Variants in CDH13 observed in about 807,000 individuals in gnomAD.
CDH13 encodes cadherin 13.
Under a neutral mutation model 63.8 loss-of-function variants are expected in CDH13, and 24 were observed. That is an observed-to-expected ratio of 0.38 (90% CI 0.27 to 0.53). The LOEUF (loss-of-function observed/expected upper bound fraction) is 0.53. CDH13 is among the 20% of genes least tolerant of loss of function. The probability of loss-of-function intolerance (pLI) is 0.85; values close to 1 mark genes in which losing one functional copy is unlikely to be tolerated. For synonymous variants in CDH13, 503 were observed against 355.3 expected (o/e 1.42, Z -4.67); for missense variants, 1,049 against 903.1 (o/e 1.16, Z -2.07).
chr16:83,017,052 A>G (rs1007520824), intron 2 of CDH13, among the ~76,000 whole-genome samples: 2 of 152,220 alleles, frequency 1.3e-5, no homozygotes, highest in Admixed American at 6.5e-5. Context: ...TTATAGACAG[A>G]TCAATGATAG....
chr16:83,046,527 TAGGC>T (rs1485589762), intron 3 of CDH13, among the ~76,000 whole-genome samples: 1 of 152,164 alleles, frequency 6.6e-6, no homozygotes, highest in African/African-American at 2.4e-5. Context: ...CATTAAAACA[TAGGC>T]AGGAAAATTT....
chr16:83,495,514 A>C (rs2074115615), intron 7 of CDH13, among the ~76,000 whole-genome samples: 1 of 152,186 alleles, frequency 6.6e-6, no homozygotes, highest in South Asian at 2.1e-4. Context: ...ACTCTTAGTT[A>C]ATTCTCTCTT....
chr16:83,000,405 C>G (rs1294615059), intron 2 of CDH13, among the ~76,000 whole-genome samples: 1 of 149,798 alleles, frequency 6.7e-6, no homozygotes, highest in Non-Finnish European at 1.5e-5. Context: ...CCCGCCACCA[C>G]GCCCAGCTAA....
At chr16:83,221,548 G>A (rs1187817709) in intron 5 of CDH13, among the ~76,000 whole-genome samples, 1 of 151,932 alleles carries the variant, frequency 6.6e-6, no homozygotes, top group Non-Finnish European at 1.5e-5. Flanking sequence ...TTAGCAGGTG[G>A]TAATGATTCC....
chr16:83,583,191 G>T (rs141858281), intron 7 of CDH13, among the ~76,000 whole-genome samples: 3 of 152,074 alleles, frequency 2.0e-5, no homozygotes, highest in African/African-American at 7.2e-5. Flanking sequence ...CTCCTATAAG[G>T]ATACTTGTAG....
intron 2 of CDH13, among the ~76,000 whole-genome samples, chr16:82,999,108 C>G (rs1912577434): frequency 1.3e-5 from 2 of 152,124 alleles, no homozygotes; most frequent in African/African-American, 4.8e-5. Flanking sequence ...GTGAAAGCAT[C>G]CCTCTTCTTG....
At chr16:83,706,204 G>A (rs561634113) in intron 10 of CDH13, among the ~76,000 whole-genome samples, 6 of 152,160 alleles carry the variant, frequency 3.9e-5, no homozygotes, top group African/African-American at 1.4e-4. Flanking sequence ...GCCTCTCCAC[G>A]AGGCCTGGGC....
chr16:83,621,888 G>T (rs1013837481), intron 8 of CDH13, among the ~76,000 whole-genome samples: 3 of 152,084 alleles, frequency 2.0e-5, no homozygotes, highest in Non-Finnish European at 2.9e-5. Flanking sequence ...ATTAGGATAA[G>T]TTCAAGTTAC....
chr16:83,171,128 C>A lies in CDH13; in HGVS notation c.483+45627C>A, dbSNP rs527357199. Among the ~76,000 whole-genome samples, 3 of 152,206 alleles carry A rather than the reference C, an allele frequency of 2.0e-5. No individual in the cohort carries two copies. In the East Asian group the frequency reaches 5.8e-4, roughly 29 times the overall value. ...GCAGGCTGTGCAGGAAGCATGGTGG[C>A]TTCTGCCTCTGGGGAGGCCTTAGGA... On this transcript the variant is annotated intron_variant, in intron 4 of 13. Transcript: ENST00000567109.
chr16:83,084,880 C>T (rs1393731343), intron 3 of CDH13, among the ~76,000 whole-genome samples: 1 of 152,174 alleles, frequency 6.6e-6, no homozygotes. Context: ...AAGCACAAAA[C>T]TTCATCTCAA....
chr16:82,778,466 G>T (rs948608310), intron 1 of CDH13, among the ~76,000 whole-genome samples: 1 of 147,786 alleles, frequency 6.8e-6, no homozygotes, highest in Non-Finnish European at 1.5e-5. Flanking sequence ...GACCTTTGAA[G>T]TAGTCTCCCT....
intron 5 of CDH13, among the ~76,000 whole-genome samples, chr16:83,323,085 C>A (rs985729391): frequency 6.6e-6 from 1 of 151,796 alleles, no homozygotes; most frequent in Non-Finnish European, 1.5e-5. Context: ...GGTGGTTAGC[C>A]CACGGTCCCA....
At chr16:83,180,897 C>T in intron 4 of CDH13, 1 of 1,531,036 alleles carries the variant, frequency 6.5e-7, no homozygotes, top group Non-Finnish European at 8.8e-7. Flanking sequence ...TAACAGCGAA[C>T]TTCTCTTGAA....
At chr16:83,712,117 C>G (rs1908153114) in intron 10 of CDH13, among the ~76,000 whole-genome samples, 1 of 152,188 alleles carries the variant, frequency 6.6e-6, no homozygotes, top group African/African-American at 2.4e-5. Context: ...ATAGTGATCT[C>G]CTTTTAACTT....
At chr16:83,779,076 T>A (rs1915321876) in intron 11 of CDH13, among the ~76,000 whole-genome samples, 1 of 152,190 alleles carries the variant, frequency 6.6e-6, no homozygotes, top group Non-Finnish European at 1.5e-5. Flanking sequence ...AAGCTTAGTA[T>A]TCTAAGGGTA....
rs61149137 is a variant in CDH13 at position 83,406,417 on chromosome 16, T to TCCCC, written c.781+61416_781+61419dup. ...GAATGGAACCCCAGCTCTCTTTCTTTCCCCCCCCGCCTCTCTCTCTGTCTC... is the reference window on the plus strand; with the variant it reads ...GAATGGAACCCCAGCTCTCTTTCTTTCCCCCCCCCCCCGCCTCTCTCTCTGTCTC... On this transcript the variant is annotated intron_variant, in intron 6 of 13. Transcript: ENST00000567109. Among the ~76,000 whole-genome samples, 84 of 144,364 alleles carry TCCCC rather than the reference T, an allele frequency of 5.8e-4. 1 individual carries two copies. Among genetic ancestry groups the TCCCC allele is most frequent in the African/African-American group, 1.9e-3 (75 of 39,252 alleles). The allele number at this position is 144,364 out of a possible 152,430, so 94.7% of individuals were successfully genotyped here.
rs185667950 is a variant in CDH13, at chr16:83,146,292, G to A, written c.483+20791G>A. Among the ~76,000 whole-genome samples the A allele has an allele frequency of 1.6e-3, 238 of 152,296 alleles. 1 individual carries two copies. The highest frequency in any genetic ancestry group is 3.2e-3 in the Admixed American group (49 of 15,302). On this transcript the variant is annotated intron_variant, in intron 4 of 13. Coordinates refer to ENST00000567109, the MANE Select transcript of CDH13 (RefSeq NM_001257.5). Reference sequence around the variant, plus strand: ...TTCAGGTGGAGGGATAGCAACTGCAGAGGCCCTGGTAGTTGAAGACATTAT... The same window carrying A: ...TTCAGGTGGAGGGATAGCAACTGCAAAGGCCCTGGTAGTTGAAGACATTAT...
chr16:82,828,521 G>T (rs1379265400), intron 1 of CDH13, among the ~76,000 whole-genome samples: 1 of 152,120 alleles, frequency 6.6e-6, no homozygotes, highest in African/African-American at 2.4e-5. Flanking sequence ...CAGCTACTCA[G>T]GTGGCTGAGG....
intron 1 of CDH13, among the ~76,000 whole-genome samples, chr16:82,698,423 A>T (rs1247232561): frequency 6.6e-6 from 1 of 152,220 alleles, no homozygotes; most frequent in East Asian, 1.9e-4. Flanking sequence ...ACAACTACAA[A>T]ACCTTGGTAG....
Sources: allele counts gnomAD v4.1 joint callset (sites outside exome capture counted in the v4.1 genomes callset), GRCh38; gene constraint gnomAD v4.1.1; transcripts MANE v1.5; gene names NCBI Gene and HGNC (gene_info 2026-07-23, HGNC 2026-07-21).